Variants in NCKAP5 observed in about 807,000 individuals in gnomAD.
NCKAP5 encodes the protein NCK associated protein 5.
NCKAP5 carries 92 observed loss-of-function variants against 167.0 expected under a neutral mutation model. That is an observed-to-expected ratio of 0.55 (90% CI 0.47 to 0.66). The LOEUF is 0.66. Among genes scored for constraint, NCKAP5 ranks in the 30% least tolerant of loss-of-function variants. The pLI, the probability that NCKAP5 is intolerant of heterozygous loss-of-function variation, is 0.00. For synonymous variants in NCKAP5, 891 were observed against 877.4 expected, an observed-to-expected ratio of 1.02 and a Z score of -0.27; for missense variants, 2,378 against 2,315.0, an observed-to-expected ratio of 1.03 and a Z score of -0.56.
intron 3 of NCKAP5, among the ~76,000 whole-genome samples, chr2:133,459,402 T>G (rs1692062528): frequency 6.6e-6 from 1 of 152,140 alleles, no homozygotes; most frequent in South Asian, 2.1e-4. Flanking sequence ...TCTCTTTGGC[T>G]TATATGAGTG....
At chr2:133,096,970 T>G (rs964208205) in intron 6 of NCKAP5, among the ~76,000 whole-genome samples, 4 of 152,230 alleles carry the variant, frequency 2.6e-5, no homozygotes, top group Non-Finnish European at 5.9e-5. Context: ...TGAGGTCTAT[T>G]GTACTTATGT....
chr2:133,640,463 C>T, the NCKAP5 span, among the ~76,000 whole-genome samples: 10 of 152,118 alleles, frequency 6.6e-5, no homozygotes, highest in Admixed American at 5.2e-4. Flanking sequence ...GACTGAGATG[C>T]CTAAATAAAA....
chr2:132,731,228 T>C (rs1017324863), intron 17 of NCKAP5, among the ~76,000 whole-genome samples: 2 of 152,234 alleles, frequency 1.3e-5, no homozygotes, highest in Non-Finnish European at 1.5e-5. Flanking sequence ...AGGATAGTAC[T>C]TCTCAATGGG....
At chr2:132,728,993 A>T in intron 17 of NCKAP5, 41 bp from the exon 18 acceptor site, 1 of 1,606,552 alleles carries the variant, frequency 6.2e-7, no homozygotes, top group Non-Finnish European at 8.5e-7. Context: ...ATCACCTTTC[A>T]TCAACATTTT....
intron 11 of NCKAP5, among the ~76,000 whole-genome samples, chr2:132,843,681 T>G (rs1688464745): frequency 6.6e-6 from 1 of 152,112 alleles, no homozygotes; most frequent in African/African-American, 2.4e-5. Flanking sequence ...TTTCTCTTTT[T>G]ACCATACATT....
At chr2:133,625,765 G>A in the NCKAP5 span, among the ~76,000 whole-genome samples, 1 of 151,558 alleles carries the variant, frequency 6.6e-6, no homozygotes, top group Non-Finnish European at 1.5e-5. Context: ...CAGCTACTCC[G>A]GAGGCTGAGG....
At chr2:133,168,126 C>T (rs963967913) in intron 5 of NCKAP5, among the ~76,000 whole-genome samples, 1 of 152,068 alleles carries the variant, frequency 6.6e-6, no homozygotes, top group African/African-American at 2.4e-5. Flanking sequence ...CTGAAGAGGT[C>T]AAGGAATGTG....
chr2:132,782,469 A>G lies in NCKAP5; in HGVS notation c.4342T>C (p.Ser1448Pro), dbSNP rs761251443. ...GCAGAGGCATCTGGATGCCTTCCAG[A>G]AGTTTCTAGCTTGGATGTACTGCTT... ...ETSSTSKLET[S>P]GRHPDASATA... Residue 1448 changes from serine to proline, a missense_variant, in exon 14 of 20, where the codon TCT becomes CCT. Around this residue, in one of 3 missense-constraint regions of NCKAP5, gnomAD observed 1,325 missense variants for 1,274.5 expected, o/e 1.04. Transcript: ENST00000409261. 18 of 1,612,924 alleles carry G rather than the reference A, an allele frequency of 1.1e-5. No individual in the cohort carries two copies.
chr2:133,033,274 T>G (rs2078938322), intron 6 of NCKAP5, among the ~76,000 whole-genome samples: 1 of 152,224 alleles, frequency 6.6e-6, no homozygotes, highest in Non-Finnish European at 1.5e-5. Context: ...GGTACCTCTA[T>G]GAGTCTGCAA....
Position 132,963,924 on chromosome 2 carries a change from AGT to A in NCKAP5, c.430-57_430-56del, listed in dbSNP as rs1210739930. 1.0e-5 allele frequency: 16 copies of A among 1,592,442 alleles called. No homozygotes were observed. In the East Asian group the frequency reaches 2.5e-4, roughly 24 times the overall value. On this transcript the variant is annotated intron_variant, in intron 7 of 19. Coordinates refer to ENST00000409261, the MANE Select transcript of NCKAP5 (RefSeq NM_207363.3). ...TAATCTCCAGTGAAAAATAAGCATG[AGT>A]GTGAGGCTGAAAAGGCTGGAATCAT...
intron 3 of NCKAP5, among the ~76,000 whole-genome samples, chr2:133,446,345 A>G (rs1301607034): frequency 6.6e-6 from 1 of 152,220 alleles, no homozygotes; most frequent in Admixed American, 6.5e-5. Context: ...AGAAGTGTCT[A>G]AAGATAAAGG....
intron 15 of NCKAP5, 33 bp downstream of exon 15, chr2:132,781,019 T>C (rs1379771355): frequency 8.1e-6 from 13 of 1,604,044 alleles, no homozygotes; most frequent in Non-Finnish European, 1.1e-5. Context: ...TCTCAGATTG[T>C]AGCACTTGAT....
intron 11 of NCKAP5, among the ~76,000 whole-genome samples, chr2:132,801,372 G>A (rs1291776579): frequency 6.6e-6 from 1 of 152,120 alleles, no homozygotes; most frequent in African/African-American, 2.4e-5. Context: ...CAGCCTACAG[G>A]GTAGCCACTC....
At chr2:133,057,430 C>T (rs2079842806) in intron 6 of NCKAP5, among the ~76,000 whole-genome samples, 1 of 152,166 alleles carries the variant, frequency 6.6e-6, no homozygotes, top group South Asian at 2.1e-4. Context: ...AGGAAAAACA[C>T]TTGAAGGAAA....
At chr2:132,774,037 T>C in intron 15 of NCKAP5, 143 bp from the exon 16 acceptor site, 1 of 540,062 alleles carries the variant, frequency 1.9e-6, no homozygotes, top group African/African-American at 2.0e-5. Context: ...TGTGAGTATG[T>C]ATGTATACAT....
At chr2:133,230,668 C>A (rs1028062598) in intron 4 of NCKAP5, among the ~76,000 whole-genome samples, 1 of 152,152 alleles carries the variant, frequency 6.6e-6, no homozygotes, top group Non-Finnish European at 1.5e-5. Flanking sequence ...AGGCTCCAGA[C>A]AGCTTTCCTT....
At chr2:133,455,583 G>A (rs979199117) in intron 3 of NCKAP5, among the ~76,000 whole-genome samples, 18 of 151,602 alleles carry the variant, frequency 1.2e-4, no homozygotes, top group Admixed American at 2.6e-4. Context: ...TTTTTCTTTC[G>A]TATGTTTTTC....
intron 5 of NCKAP5, among the ~76,000 whole-genome samples, chr2:133,153,842 T>TC (rs1364637714): frequency 4.0e-5 from 6 of 148,762 alleles, no homozygotes; most frequent in African/African-American, 1.5e-4. Flanking sequence ...TCTTTTTTTT[T>TC]TTTTTTTTTT....
At chr2:132,858,891 A>G (rs879229178) in intron 11 of NCKAP5, among the ~76,000 whole-genome samples, 2 of 152,226 alleles carry the variant, frequency 1.3e-5, no homozygotes, top group Admixed American at 1.3e-4. Flanking sequence ...ACAATTCATA[A>G]ACAGGGACTG....
Sources: gnomAD v4.1 joint callset for allele counts (sites outside exome capture counted in the v4.1 genomes callset) on GRCh38, gnomAD v4.1.1 for gene constraint, gnomAD v4.1.1 regional missense constraint, MANE v1.5 for transcripts, NCBI Gene and HGNC (gene_info 2026-07-23, HGNC 2026-07-21) for gene names.